Variants in EFCAB6 observed in about 807,000 individuals in gnomAD.
EFCAB6 encodes the protein EF-hand calcium-binding domain-containing protein 6.
A neutral mutation model predicts 169.8 loss-of-function variants in EFCAB6; 156 were observed. The ratio of observed to expected loss-of-function variants is 0.92; its 90% CI spans 0.81 to 1.05. The LOEUF is 1.05. Among genes scored for constraint, EFCAB6 ranks in the 50% least tolerant of loss-of-function variants. EFCAB6 has a pLI of 0.00. For synonymous variants in EFCAB6, 698 were observed against 676.4 expected (o/e 1.03, Z -0.50); for missense variants, 1,800 against 1,829.1 (o/e 0.98, Z 0.29).
chr22:43,737,518 T>C (rs1206360860), intron 6 of EFCAB6, among the ~76,000 whole-genome samples: 1 of 145,396 alleles, frequency 6.9e-6, no homozygotes, highest in Non-Finnish European at 1.5e-5. Context: ...CACAGATACA[T>C]GCACACACAC....
At chr22:43,737,983 C>T (rs531618283) in intron 6 of EFCAB6, among the ~76,000 whole-genome samples, 1 of 151,162 alleles carries the variant, frequency 6.6e-6, no homozygotes, top group Non-Finnish European at 1.5e-5. Context: ...CACATATATT[C>T]GCACATATAT....
chr22:43,605,918 G>A (rs2052887159), intron 22 of EFCAB6, among the ~76,000 whole-genome samples: 1 of 152,166 alleles, frequency 6.6e-6, no homozygotes, highest in Admixed American at 6.5e-5. Context: ...ATCTAATGAA[G>A]TGAAATAAAA....
At chr22:43,578,153 G>C (rs749887269) in intron 25 of EFCAB6, among the ~76,000 whole-genome samples, 2 of 152,190 alleles carry the variant, frequency 1.3e-5, no homozygotes, top group African/African-American at 4.8e-5. Flanking sequence ...TCTGGGCTCT[G>C]CTCCATAGTC....
In EFCAB6 at chr22:43,528,879, C is replaced by T. The variant is rs772671622; in HGVS notation, c.4480G>A (p.Asp1494Asn). The T allele has an allele frequency of 3.7e-6, 6 of 1,611,020 alleles. No homozygotes were observed. In the East Asian group the frequency reaches 6.7e-5, roughly 18 times the overall value. Residue 1494 changes from aspartate (D) to asparagine (N), a missense_variant, in exon 32 of 32, where the codon GAC becomes AAC. Asp to Asn is a conservative substitution (Grantham distance 23, BLOSUM62 1). Transcript: ENST00000262726. The stretch of plus-strand genomic sequence containing the variant: ...TACTGGAGGAATGCCCGGAGGAAGT[C>T]GTTGTAGGAGATTTTTGAAGACAGC... ...KTLSSKISYN[D>N]FLRAFLQ
rs562641139 is a variant in EFCAB6, at chr22:43,632,182, T to G, written c.2155A>C (p.Ser719Arg). The change falls in exon 19 of 32, where the codon AGT becomes CGT. Residue 719 changes from serine to arginine, a missense_variant. By Grantham distance (110) the Ser-to-Arg change is moderately radical (BLOSUM62 -1). Coordinates refer to ENST00000262726, the MANE Select transcript of EFCAB6 (RefSeq NM_022785.4). The stretch of plus-strand genomic sequence containing the variant: ...GTGATAAAGTGGCTGTTCACGTAAC[T>G]TTTTGAAGGAGTTGGAGGCTGCGGC... The part of the protein sequence containing the change: ...TPPQPPTPSK[S>R]YVNSHFITAE... 1.0e-3 allele frequency: 1,647 copies of G among 1,614,180 alleles called. 36 individuals are homozygous for G. The South Asian group carries it at 0.017, about 17-fold the overall frequency.
intron 20 of EFCAB6, among the ~76,000 whole-genome samples, chr22:43,621,605 G>C (rs2054120278): frequency 5.9e-5 from 9 of 151,846 alleles, no homozygotes; most frequent in Admixed American, 5.9e-4. Context: ...GAGAAAAAAT[G>C]ACTCAAATAA....
chr22:43,635,334 G>A, intron 17 of EFCAB6, 118 bp from the exon 18 acceptor site: 1 of 752,908 alleles, frequency 1.3e-6, no homozygotes, highest in Non-Finnish European at 2.3e-6. Context: ...TTATTTGTCT[G>A]ACCCCACCCA....
At chr22:43,625,972 T>C (rs2054486609) in intron 20 of EFCAB6, among the ~76,000 whole-genome samples, 1 of 152,226 alleles carries the variant, frequency 6.6e-6, no homozygotes, top group Non-Finnish European at 1.5e-5. Flanking sequence ...CTCCCAAGCT[T>C]CAATTTTAAA....
At chr22:43,742,249 G>A (rs1354563231) in intron 6 of EFCAB6, among the ~76,000 whole-genome samples, 1 of 152,162 alleles carries the variant, frequency 6.6e-6, no homozygotes, top group African/African-American at 2.4e-5. Flanking sequence ...CATGACATGC[G>A]AAAGTTATGT....
Position 43,744,605 on chromosome 22 carries a change from T to C in EFCAB6, c.508-8612A>G, listed in dbSNP as rs2060497621. ...ACCCAAGCAGCCAAAGGAAGTGAGC[T>C]GGACCACCAGGAGTGGGAGCTGAGG... On this transcript the variant is annotated intron_variant, in intron 6 of 31. Transcript: ENST00000262726. This position sits in a 1 kb window ranked among gnomAD's most constrained non-coding sequence, Gnocchi z 4.3. Among the ~76,000 whole-genome samples, 2 of 152,102 alleles carry C rather than the reference T, an allele frequency of 1.3e-5. No individual in the cohort carries two copies. The highest frequency in any genetic ancestry group is 2.9e-5 in the Non-Finnish European group (2 of 68,016).
chr22:43,536,755 C>T (rs1276169848), intron 29 of EFCAB6: 1 of 152,276 alleles, frequency 6.6e-6, no homozygotes, highest in Non-Finnish European at 1.5e-5. Context: ...GGGAGAATCA[C>T]TTGAACCTGG....
chr22:43,544,652 C>T (rs571719461), intron 27 of EFCAB6, among the ~76,000 whole-genome samples: 37 of 152,110 alleles, frequency 2.4e-4, no homozygotes, highest in Non-Finnish European at 4.9e-4. Context: ...CGTTCTTGGA[C>T]GTGGGGACAT....
chr22:43,655,386 C>G (rs1257411219), intron 17 of EFCAB6, among the ~76,000 whole-genome samples: 1 of 152,040 alleles, frequency 6.6e-6, no homozygotes, highest in African/African-American at 2.4e-5. Context: ...ACAATGATTT[C>G]TATTTGACAA....
chr22:43,593,620 C>A (rs868856306), intron 23 of EFCAB6, among the ~76,000 whole-genome samples: 15 of 152,306 alleles, frequency 9.8e-5, no homozygotes, highest in African/African-American at 3.6e-4. Context: ...GTAACTTAGA[C>A]GTAATTCAGG....
intron 31 of EFCAB6, among the ~76,000 whole-genome samples, chr22:43,529,402 G>C (rs371381216): frequency 6.6e-5 from 10 of 152,296 alleles, no homozygotes; most frequent in Admixed American, 6.5e-5. Context: ...TGATAAGACC[G>C]TAACAGAGCC....
chr22:43,755,101 A>C (rs971766689), intron 6 of EFCAB6, among the ~76,000 whole-genome samples: 2 of 152,198 alleles, frequency 1.3e-5, no homozygotes, highest in African/African-American at 4.8e-5. Context: ...CAAAAAAGAA[A>C]ATTTGTCACA....
intron 24 of EFCAB6, among the ~76,000 whole-genome samples, chr22:43,584,891 G>A (rs984796217): frequency 1.3e-5 from 2 of 152,234 alleles, no homozygotes; most frequent in South Asian, 4.1e-4. Context: ...GAGCTCCTAG[G>A]GAAACCCAGA....
rs1269497070 is a variant in EFCAB6, at chr22:43,630,361, G to A, written c.2232+1744C>T. Among the ~76,000 whole-genome samples, 6 of 152,256 alleles carry A rather than the reference G, an allele frequency of 3.9e-5. No individual in the cohort carries two copies. The East Asian group carries it at 1.2e-3, about 29-fold the overall frequency. Reference sequence around the variant, plus strand: ...GCGGGATAGAGTGGGTGTCGGTGATGGTCTGTTGAATGAATTCATTATTTA... The same window carrying A: ...GCGGGATAGAGTGGGTGTCGGTGATAGTCTGTTGAATGAATTCATTATTTA... On this transcript the variant is annotated intron_variant, in intron 19 of 31. Transcript: ENST00000262726.
intron 26 of EFCAB6, among the ~76,000 whole-genome samples, chr22:43,564,016 C>T (rs1490199888): frequency 6.6e-6 from 1 of 152,218 alleles, no homozygotes; most frequent in Admixed American, 6.5e-5. Context: ...CTGCAAATCA[C>T]TAAGGCAATC....
Sources: gnomAD v4.1 joint callset for allele counts (sites outside exome capture counted in the v4.1 genomes callset) on GRCh38, gnomAD v4.1.1 for gene constraint, Gnocchi (gnomAD v3.1) non-coding constraint, MANE v1.5 for transcripts, NCBI Gene and HGNC (gene_info 2026-07-23, HGNC 2026-07-21) for gene names.